The following ST7L variants were observed in gnomAD, a reference collection of about 807,000 sequenced individuals.
ST7L encodes suppression of tumorigenicity 7 like.
Under a neutral mutation model 72.5 loss-of-function variants are expected in ST7L, and 57 were observed. The observed-to-expected ratio is 0.79, with a 90% CI of 0.64 to 0.98. The LOEUF is 0.98. ST7L is among the 50% of genes least tolerant of loss of function. The pLI is 0.00. For synonymous variants in ST7L, 221 were observed against 240.9 expected (o/e 0.92, Z 0.77); for missense variants, 576 against 672.2 (o/e 0.86, Z 1.58).
intron 11 of ST7L, among the ~76,000 whole-genome samples, chr1:112,568,887 T>TATATATATATATAA (rs1308318369): frequency 1.5e-4 from 20 of 131,532 alleles, no homozygotes; most frequent in East Asian, 1.5e-3. Flanking sequence ...TATATATATA[T>TATATATATATATAA]AAAACAAAAA....
rs1655853914 is a variant in ST7L, at chr1:112,540,038, G to A, written c.1629+1913C>T. ...CATTCTCAGTCTCTACTAGAGGAGT[G>A]CTAAGGAACTTATGCTATGTAATCG... On this transcript the variant is annotated intron_variant, in intron 14 of 14. Coordinates refer to ENST00000358039, the MANE Select transcript of ST7L (RefSeq NM_017744.5). 4.1e-6 allele frequency: 4 copies of A among 985,258 alleles called. No homozygotes were observed. The Admixed American group carries it at 2.5e-4, about 61-fold the overall frequency. The allele number at this position is 985,258 out of a possible 1,614,324, so 61.0% of individuals were successfully genotyped here. A position where few individuals can be genotyped will look rare whatever the true frequency, so the allele number is the denominator to read the frequency against.
intron 14 of ST7L, among the ~76,000 whole-genome samples, chr1:112,536,556 A>G (rs540899505): frequency 6.6e-6 from 1 of 152,192 alleles, no homozygotes; most frequent in Non-Finnish European, 1.5e-5. Flanking sequence ...TTTGGGAAGA[A>G]AAATTTTAAT....
Position 112,556,009 on chromosome 1 carries a change from C to T in ST7L, c.1255G>A (p.Glu419Lys), listed in dbSNP as rs780636811. ...FNPHVPKYLL[E>K]MKSLILPPEH... The stretch of plus-strand genomic sequence containing the variant: ...GGAGGTAAAATTAAACTTTTCATCT[C>T]TAATAAATACTGAAAGAGTAACACA... The change falls in exon 12 of 15, where the codon GAG (glutamate) becomes AAG (lysine). Residue 419 changes from glutamate (E) to lysine (K), a missense_variant. By Grantham distance (56) the Glu-to-Lys change is moderately conservative (BLOSUM62 1). Coordinates refer to ENST00000358039, the MANE Select transcript of ST7L (RefSeq NM_017744.5). The T allele has an allele frequency of 2.5e-6, 4 of 1,597,336 alleles. No individual in the cohort carries two copies. The highest frequency in any genetic ancestry group is 2.3e-5 in the South Asian group (2 of 88,408).
At chr1:112,522,939 G>A (rs1446733951), downstream of ST7L, 2 of 152,218 alleles carry the variant, frequency 1.3e-5, no homozygotes, top group Non-Finnish European at 2.9e-5. Flanking sequence ...AAGCTTTGGG[G>A]TAGTGGAGAG....
Position 112,616,807 on chromosome 1 carries a change from A to G in ST7L, c.288+6T>C. 1 of 1,572,012 alleles carries G rather than the reference A, an allele frequency of 6.4e-7. No individual in the cohort carries two copies. Among genetic ancestry groups the G allele is most frequent in the Non-Finnish European group, 8.6e-7 (1 of 1,157,466 alleles). Reference sequence around the variant, plus strand: ...AACATGAAGGAAGGAAATGGAAACTACTTACAAATATTAGTCCTGATATCA... The same window carrying G: ...AACATGAAGGAAGGAAATGGAAACTGCTTACAAATATTAGTCCTGATATCA... On this transcript the variant is annotated splice_donor_region_variant and intron_variant, in intron 2 of 14. Transcript: ENST00000358039.
intron 14 of ST7L, among the ~76,000 whole-genome samples, chr1:112,538,626 C>T (rs1022115274): frequency 1.6e-4 from 25 of 152,122 alleles, no homozygotes; most frequent in African/African-American, 3.6e-4. Context: ...ATTACAAGCA[C>T]GAGAGCCATT....
At chr1:112,618,454 C>T in intron 1 of ST7L, 1 of 200,280 alleles carries the variant, frequency 5.0e-6, no homozygotes, top group South Asian at 1.5e-4. Context: ...AAAATCATGC[C>T]ATTTTCTTTC....
chr1:112,556,966 C>CAAAAAAAAAAAAAAAAAA (rs60106072), intron 11 of ST7L, among the ~76,000 whole-genome samples: 45 of 49,530 alleles, frequency 9.1e-4, no homozygotes, highest in East Asian at 1.3e-3. Context: ...GACTCTGTCT[C>CAAAAAAAAAAAAAAAAAA]AAAAAAAAAA....
intron 2 of ST7L, among the ~76,000 whole-genome samples, chr1:112,613,323 T>C (rs1179648211): frequency 7.0e-6 from 1 of 142,184 alleles, no homozygotes; most frequent in Non-Finnish European, 1.6e-5. Flanking sequence ...CCACACATTA[T>C]GCCAATCCTT....
intron 11 of ST7L, among the ~76,000 whole-genome samples, chr1:112,562,812 G>A (rs1660392972): frequency 6.6e-6 from 1 of 152,144 alleles, no homozygotes; most frequent in Non-Finnish European, 1.5e-5. Flanking sequence ...TGCTATTTAG[G>A]TAGATAACTC....
At chr1:112,595,931 A>G (rs1047230358) in intron 5 of ST7L, among the ~76,000 whole-genome samples, 1 of 152,220 alleles carries the variant, frequency 6.6e-6, no homozygotes, top group Admixed American at 6.5e-5. Flanking sequence ...GAGATATTCA[A>G]ATAAAAATGT....
chr1:112,613,034 G>T (rs929868126), intron 2 of ST7L, among the ~76,000 whole-genome samples: 1 of 152,008 alleles, frequency 6.6e-6, no homozygotes, highest in African/African-American at 2.4e-5. Context: ...TGGGAGGATT[G>T]CTTGAGTTCA....
intron 11 of ST7L, among the ~76,000 whole-genome samples, chr1:112,566,873 G>A (rs1380922164): frequency 6.6e-6 from 1 of 152,080 alleles, no homozygotes; most frequent in African/African-American, 2.4e-5. Context: ...AAGGACATTG[G>A]GATTGTTTCT....
Position 112,525,940 on chromosome 1 carries a change from G to A in ST7L, c.*73C>T. The A allele has an allele frequency of 1.9e-6, 3 of 1,598,616 alleles. No homozygotes were observed. Among genetic ancestry groups the A allele is most frequent in the South Asian group, 1.1e-5 (1 of 89,524 alleles). ...CTCACAACAACCCTGTGAGGTAGGG[G>A]TTACTGTCACTTTACAGATGCTGTT... On this transcript the variant is annotated 3_prime_UTR_variant, in exon 15 of 15. Transcript: ENST00000358039.
intron 14 of ST7L, among the ~76,000 whole-genome samples, chr1:112,531,161 T>C (rs1654320260): frequency 6.6e-6 from 1 of 152,224 alleles, no homozygotes; most frequent in Non-Finnish European, 1.5e-5. Context: ...CATTGTTTCA[T>C]ACTGAAAACC....
chr1:112,567,050 T>G (rs1661172375), intron 11 of ST7L, among the ~76,000 whole-genome samples: 3 of 152,242 alleles, frequency 2.0e-5, no homozygotes, highest in Non-Finnish European at 4.4e-5. Context: ...CCAAAGTGGT[T>G]GTACCATTTT....
intron 14 of ST7L, among the ~76,000 whole-genome samples, chr1:112,530,685 G>A (rs1290675037): frequency 1.3e-5 from 2 of 152,172 alleles, no homozygotes; most frequent in African/African-American, 2.4e-5. Context: ...AAAGTGTTGG[G>A]ATTACAGGAG....
intron 12 of ST7L, among the ~76,000 whole-genome samples, chr1:112,553,616 C>T (rs2101581616): frequency 6.6e-6 from 1 of 152,288 alleles, no homozygotes; most frequent in East Asian, 1.9e-4. Flanking sequence ...TAATTTCTTA[C>T]TAATGAGATA....
chr1:112,584,129 A>G lies in ST7L; in HGVS notation c.702-3T>C. ...GTAGAACATATGCAGTGGCACAGCT[A>G]TGAAGAAAGCAAGAAGGCAATTTTA... is the stretch of plus-strand genomic sequence containing the variant. On this transcript the variant is annotated splice_polypyrimidine_tract_variant and splice_region_variant and intron_variant, in intron 6 of 14. Coordinates refer to ENST00000358039, the MANE Select transcript of ST7L (RefSeq NM_017744.5). 6.2e-7 allele frequency: 1 copy of G among 1,609,280 alleles called. No individual in the cohort carries two copies. The highest frequency in any genetic ancestry group is 8.5e-7 in the Non-Finnish European group (1 of 1,178,700).
Sources: gnomAD v4.1 joint callset for allele counts (sites outside exome capture counted in the v4.1 genomes callset) on GRCh38, gnomAD v4.1.1 for gene constraint, MANE v1.5 for transcripts, NCBI Gene and HGNC (gene_info 2026-07-23, HGNC 2026-07-21) for gene names.